SEMA3A: variants seen among roughly 807,000 people sequenced by gnomAD.
SEMA3A encodes the protein semaphorin-3A.
In SEMA3A, 29 loss-of-function variants were observed where a neutral mutation model predicts 97.9. The ratio of observed to expected loss-of-function variants is 0.30; its 90% confidence interval spans 0.22 to 0.40. SEMA3A has a LOEUF of 0.40. Ranked by LOEUF, SEMA3A falls within the 10% of genes least tolerant of loss-of-function variation. The pLI is 1.00. For synonymous variants in SEMA3A, 321 were observed against 323.7 expected (o/e 0.99, Z 0.09); for missense variants, 763 against 951.3 (o/e 0.80, Z 2.60).
chr7:84,099,810 T>C (rs1020911822), intron 4 of SEMA3A, among the ~76,000 whole-genome samples: 1 of 152,186 alleles, frequency 6.6e-6, no homozygotes, highest in African/African-American at 2.4e-5. Flanking sequence ...GGTCTTATGA[T>C]GTCACTACTG....
chr7:84,004,834 G>A (rs888274066), intron 11 of SEMA3A, among the ~76,000 whole-genome samples: 6 of 152,154 alleles, frequency 3.9e-5, no homozygotes, highest in African/African-American at 9.7e-5. Flanking sequence ...AGTAACGATA[G>A]AAACTGGCCT....
chr7:84,367,413 T>G (rs974457018), intron 2 of SEMA3A, among the ~76,000 whole-genome samples: 10 of 151,372 alleles, frequency 6.6e-5, no homozygotes, highest in African/African-American at 2.4e-4. Context: ...CCTAAATATA[T>G]TTAAAGAGCT....
intron 1 of SEMA3A, among the ~76,000 whole-genome samples, chr7:84,414,085 G>T (rs1584305363): frequency 6.6e-6 from 1 of 152,076 alleles, no homozygotes; most frequent in African/African-American, 2.4e-5. Context: ...AATATTTGTG[G>T]CTTAACCCCG....
intron 1 of SEMA3A, among the ~76,000 whole-genome samples, chr7:84,185,012 C>A (rs779575682): frequency 9.2e-5 from 14 of 152,140 alleles, no homozygotes; most frequent in Non-Finnish European, 1.6e-4. Flanking sequence ...GACTGTCTCT[C>A]AAGACCTGTG....
upstream of SEMA3A, among the ~76,000 whole-genome samples, chr7:84,199,883 G>A (rs76701535): frequency 0.027 from 4,146 of 152,170 alleles, 71 homozygotes; most frequent in Non-Finnish European, 0.043. Flanking sequence ...TGGAAACCGG[G>A]GGTGGCAGGT....
intron 12 of SEMA3A, among the ~76,000 whole-genome samples, chr7:83,986,131 C>A (rs1204309066): frequency 6.6e-6 from 1 of 152,098 alleles, no homozygotes; most frequent in East Asian, 1.9e-4. Context: ...GAAAATTGTT[C>A]TGTTCAACTG....
In SEMA3A at chr7:84,194,636, T is replaced by C. The variant is rs756113524; in HGVS notation, c.-50A>G. On this transcript the variant is annotated 5_prime_UTR_variant, in exon 1 of 17. Coordinates refer to ENST00000265362, the MANE Select transcript of SEMA3A (RefSeq NM_006080.3). The stretch of plus-strand genomic sequence containing the variant: ...GCTGCTTTAGTCTTCCTTCCTGTAT[T>C]GTGCGGCCAGAGAAGTTCAAACAAT... 3.4e-6 allele frequency: 4 copies of C among 1,185,390 alleles called. No homozygotes were observed. The highest frequency in any genetic ancestry group is 5.0e-6 in the Non-Finnish European group (4 of 795,518). The allele number at this position is 1,185,390 out of a possible 1,614,324, so 73.4% of individuals were successfully genotyped here.
chr7:84,387,008 A>G (rs1259833981), intron 1 of SEMA3A, among the ~76,000 whole-genome samples: 3 of 115,438 alleles, frequency 2.6e-5, no homozygotes, highest in African/African-American at 1.2e-4. Context: ...TCAAAAAAAG[A>G]AAATAATAAT....
chr7:84,003,893 T>G (rs1790557326), intron 11 of SEMA3A, among the ~76,000 whole-genome samples: 1 of 152,148 alleles, frequency 6.6e-6, no homozygotes. Flanking sequence ...TTTGGATTCT[T>G]TTATTTGGTA....
intron 4 of SEMA3A, among the ~76,000 whole-genome samples, chr7:84,072,572 G>T (rs1381879251): frequency 6.6e-6 from 1 of 151,966 alleles, no homozygotes; most frequent in Non-Finnish European, 1.5e-5. Flanking sequence ...TTGAGACTTT[G>T]CTAATTTATG....
chr7:84,094,088 G>A (rs908011308), intron 4 of SEMA3A, among the ~76,000 whole-genome samples: 1 of 152,102 alleles, frequency 6.6e-6, no homozygotes. Context: ...TGATGTGGAA[G>A]TCTGACTGGA....
Position 84,007,382 on chromosome 7 carries a change from C to T in SEMA3A, c.1111G>A (p.Gly371Arg). 1 of 1,608,538 alleles carries T rather than the reference C, an allele frequency of 6.2e-7. No individual in the cohort carries two copies. Among genetic ancestry groups the T allele is most frequent in the South Asian group, 1.1e-5 (1 of 90,148 alleles). ...CCTGGCCGTGGATAGGGGACTCTTCCTTGATAAGGCACCCATTGATAGTTG... is the reference window on the plus strand; with the variant it reads ...CCTGGCCGTGGATAGGGGACTCTTCTTTGATAAGGCACCCATTGATAGTTG... ...GPNYQWVPYQGRVPYPRPGTC... is the reference protein window; with the variant it reads ...GPNYQWVPYQRRVPYPRPGTC... The change falls in exon 10 of 17, where the codon GGA (glycine) becomes AGA (arginine). Residue 371 changes from glycine to arginine, a missense_variant. Around this residue, in one of 2 missense-constraint regions of SEMA3A, gnomAD observed 678 missense variants for 881.3 expected, o/e 0.77. Transcript: ENST00000265362.
At chr7:84,020,243 C>G (rs1791279891) in intron 6 of SEMA3A, among the ~76,000 whole-genome samples, 2 of 151,646 alleles carry the variant, frequency 1.3e-5, no homozygotes, top group East Asian at 3.9e-4. Context: ...TAGGGTTTCA[C>G]CATATTGACA....
Position 84,143,950 on chromosome 7 carries a change from A to AACACACACAC in SEMA3A, c.113-9009_113-9000dup, listed in dbSNP as rs796470836. 5.2e-3 allele frequency among the ~76,000 whole-genome samples: 493 copies of AACACACACAC among 94,654 alleles called. 6 individuals are homozygous for AACACACACAC. Among genetic ancestry groups the AACACACACAC allele is most frequent in the African/African-American group, 0.016 (457 of 28,482 alleles). 62.1% of individuals were successfully genotyped at this position (94,654 alleles called of 152,430 possible). ...TCTCTCTCTCTCTCTCTCTCTCTCT[A>AACACACACAC]ACACACACACACACACACACACACA... On this transcript the variant is annotated intron_variant, in intron 1 of 16. Transcript: ENST00000265362.
intron 9 of SEMA3A, among the ~76,000 whole-genome samples, chr7:84,008,774 G>A (rs775594152): frequency 3.9e-5 from 6 of 151,900 alleles, no homozygotes; most frequent in African/African-American, 9.7e-5. Context: ...GCTTCTTTTC[G>A]GCTACATCAA....
chr7:84,043,595 C>T (rs1041108568), intron 6 of SEMA3A, among the ~76,000 whole-genome samples: 6 of 152,064 alleles, frequency 3.9e-5, no homozygotes, highest in African/African-American at 1.4e-4. Flanking sequence ...CCTCAAAACT[C>T]ATTTATTTTA....
intron 4 of SEMA3A, among the ~76,000 whole-genome samples, chr7:84,089,154 G>A (rs931158762): frequency 6.6e-6 from 1 of 152,026 alleles, no homozygotes. Context: ...TATTGTCAGA[G>A]GAGTAGTGCA....
chr7:83,993,834 T>C (rs28799631), intron 12 of SEMA3A, among the ~76,000 whole-genome samples: 88,992 of 122,088 alleles, frequency 0.73, 32,891 homozygotes, highest in East Asian at 0.88. Flanking sequence ...GTGGCATTCT[T>C]TATATTTCCT....
At chr7:84,051,068 T>C (rs1418699861) in intron 5 of SEMA3A, among the ~76,000 whole-genome samples, 3 of 151,606 alleles carry the variant, frequency 2.0e-5, no homozygotes, top group Non-Finnish European at 4.4e-5. Context: ...CATTGATCTA[T>C]ATCTCTGTTT....
Sources: gnomAD v4.1 joint callset for allele counts (sites outside exome capture counted in the v4.1 genomes callset) on GRCh38, gnomAD v4.1.1 for gene constraint, gnomAD v4.1.1 regional missense constraint, MANE v1.5 for transcripts, NCBI Gene and HGNC (gene_info 2026-07-23, HGNC 2026-07-21) for gene names.